The following DGKG variants were observed in gnomAD, a reference collection of about 807,000 sequenced individuals.
The protein encoded by DGKG is DAG kinase gamma.
A neutral mutation model predicts 105.3 loss-of-function variants in DGKG; 78 were observed. The observed-to-expected ratio is 0.74, with a 90% CI of 0.62 to 0.89. The LOEUF (loss-of-function observed/expected upper bound fraction) is 0.89, where lower values mean the gene tolerates loss of function less well. DGKG is among the 40% of genes least tolerant of loss of function. The probability of loss-of-function intolerance (pLI) is 0.00; values close to 1 mark genes in which losing one functional copy is unlikely to be tolerated. For synonymous variants in DGKG, 346 were observed against 367.1 expected (o/e 0.94, Z 0.66); for missense variants, 958 against 1,020.1 (o/e 0.94, Z 0.83).
At chr3:186,215,913 G>A (rs1719265302) in intron 20 of DGKG, among the ~76,000 whole-genome samples, 1 of 151,654 alleles carries the variant, frequency 6.6e-6, no homozygotes, top group Non-Finnish European at 1.5e-5. Flanking sequence ...AACATTTATG[G>A]ACCCCTACTA....
chr3:186,278,164 G>A (rs1722669750), intron 9 of DGKG, among the ~76,000 whole-genome samples: 1 of 152,044 alleles, frequency 6.6e-6, no homozygotes. Flanking sequence ...CATGCAAAGA[G>A]TTGGTGGTAT....
intron 20 of DGKG, among the ~76,000 whole-genome samples, chr3:186,228,215 T>C (rs1719946286): frequency 6.6e-6 from 1 of 152,170 alleles, no homozygotes; most frequent in African/African-American, 2.4e-5. Flanking sequence ...TTGGTTTCCA[T>C]AGTTTTTCCA....
In DGKG at chr3:186,312,669, G is replaced by A. The variant is rs564192241; in HGVS notation, c.68-5692C>T. Among the ~76,000 whole-genome samples, 259 of 152,362 alleles carry A rather than the reference G, an allele frequency of 1.7e-3. 3 individuals are homozygous for A. Among genetic ancestry groups the A allele is most frequent in the Non-Finnish European group, 2.8e-3 (191 of 68,028 alleles). The stretch of plus-strand genomic sequence containing the variant: ...TAAAATCTAGATTTTCCTTCTTCCA[G>A]TGAAGGCTGGGATGTAAGAATACAT... On this transcript the variant is annotated intron_variant, in intron 2 of 24. Coordinates refer to ENST00000265022, the MANE Select transcript of DGKG (RefSeq NM_001346.3).
intron 19 of DGKG, among the ~76,000 whole-genome samples, chr3:186,247,956 C>A (rs1445365166): frequency 6.6e-6 from 1 of 152,118 alleles, no homozygotes; most frequent in Non-Finnish European, 1.5e-5. Flanking sequence ...AGCCAGCCAG[C>A]AGGACTTCCT....
intron 14 of DGKG, among the ~76,000 whole-genome samples, chr3:186,262,846 T>TG (rs764226624): frequency 1.3e-5 from 2 of 151,980 alleles, no homozygotes; most frequent in Non-Finnish European, 2.9e-5. Context: ...AAAAAATTTT[T>TG]GGCTGGGCAT....
intron 3 of DGKG, among the ~76,000 whole-genome samples, chr3:186,299,815 TTC>T (rs1324419380): frequency 2.8e-5 from 3 of 107,172 alleles, no homozygotes; most frequent in Non-Finnish European, 3.9e-5. Flanking sequence ...CTTTCTTTCT[TTC>T]TTTCTTTCTT....
At chr3:186,247,791 G>GA (rs1172645789) in intron 19 of DGKG, among the ~76,000 whole-genome samples, 3 of 152,124 alleles carry the variant, frequency 2.0e-5, no homozygotes, top group African/African-American at 7.2e-5. Flanking sequence ...AAAGGTGTAT[G>GA]AAAAAAATTA....
At chr3:186,170,598 C>G (rs996564899) in intron 22 of DGKG, among the ~76,000 whole-genome samples, 1 of 152,192 alleles carries the variant, frequency 6.6e-6, no homozygotes, top group African/African-American at 2.4e-5. Flanking sequence ...TGATCTATTG[C>G]TATTTCAATG....
At chr3:186,330,447 C>A (rs1312908427) in intron 1 of DGKG, among the ~76,000 whole-genome samples, 4 of 152,168 alleles carry the variant, frequency 2.6e-5, no homozygotes, top group Admixed American at 2.6e-4. Flanking sequence ...CCGGGCTGCA[C>A]CTGTAACTTG....
chr3:186,336,521 A>G (rs1350954556), intron 1 of DGKG, among the ~76,000 whole-genome samples: 2 of 152,220 alleles, frequency 1.3e-5, no homozygotes, highest in African/African-American at 4.8e-5. Context: ...AAAATGAATG[A>G]AGCCTCCAAC....
chr3:186,355,264 C>CAACTACCCT (rs1726873244), intron 1 of DGKG, among the ~76,000 whole-genome samples: 1 of 137,820 alleles, frequency 7.3e-6, no homozygotes, highest in Non-Finnish European at 1.6e-5. Flanking sequence ...AACACCAACA[C>CAACTACCCT]CACTACCACC....
chr3:186,147,355 A>G lies in DGKG; in HGVS notation c.*2735T>C. The G allele has an allele frequency of 1.0e-6, 1 of 981,012 alleles. No homozygotes were observed. Among genetic ancestry groups the G allele is most frequent in the Non-Finnish European group, 1.2e-6 (1 of 825,498 alleles). The allele number at this position is 981,012 out of a possible 1,614,324, so 60.8% of individuals were successfully genotyped here. On this transcript the variant is annotated 3_prime_UTR_variant, in exon 25 of 25. Transcript: ENST00000265022. ...TGGCTTTGAGAAGTCACTAAACCTCATTAAGCCTTGTTCTCCTCATTGAGA... is the reference window on the plus strand; with the variant it reads ...TGGCTTTGAGAAGTCACTAAACCTCGTTAAGCCTTGTTCTCCTCATTGAGA...
chr3:186,221,639 G>C (rs2108529883), intron 20 of DGKG, among the ~76,000 whole-genome samples: 1 of 152,312 alleles, frequency 6.6e-6, no homozygotes, highest in East Asian at 1.9e-4. Context: ...TCAGCCCTGG[G>C]AACTGGTATC....
intron 5 of DGKG, among the ~76,000 whole-genome samples, chr3:186,292,656 T>C (rs1192676204): frequency 7.0e-6 from 1 of 142,988 alleles, no homozygotes; most frequent in Non-Finnish European, 1.6e-5. Context: ...TAGCTGGGCG[T>C]GGTGGCGGGT....
At chr3:186,342,131 C>A (rs1175857544) in intron 1 of DGKG, among the ~76,000 whole-genome samples, 3 of 152,040 alleles carry the variant, frequency 2.0e-5, no homozygotes, top group South Asian at 2.1e-4. Flanking sequence ...CTAACCTGCA[C>A]AATGTGCACA....
chr3:186,274,046 GTCT>G (rs1722460379), intron 10 of DGKG, among the ~76,000 whole-genome samples: 1 of 151,988 alleles, frequency 6.6e-6, no homozygotes, highest in Admixed American at 6.6e-5. Flanking sequence ...TCCCTTTCCA[GTCT>G]TCCTCTCTGC....
chr3:186,309,051 G>A (rs1159738517), intron 2 of DGKG, among the ~76,000 whole-genome samples: 2 of 152,206 alleles, frequency 1.3e-5, no homozygotes, highest in Non-Finnish European at 2.9e-5. Flanking sequence ...ATTCACTATA[G>A]CTTCCTAAAC....
intron 1 of DGKG, among the ~76,000 whole-genome samples, chr3:186,339,963 C>T (rs1193514162): frequency 1.3e-5 from 2 of 152,188 alleles, no homozygotes; most frequent in African/African-American, 4.8e-5. Context: ...TATCACCTTA[C>T]ACAGTAGGAT....
chr3:186,165,204 G>A (rs1350645763), intron 22 of DGKG, among the ~76,000 whole-genome samples, 186 bp from the exon 23 acceptor site: 1 of 152,138 alleles, frequency 6.6e-6, no homozygotes, highest in Non-Finnish European at 1.5e-5. Context: ...TTTTCATGAG[G>A]AGATGGTCAG....
Sources: gnomAD v4.1 joint callset for allele counts (sites outside exome capture counted in the v4.1 genomes callset) on GRCh38, gnomAD v4.1.1 for gene constraint, MANE v1.5 for transcripts, NCBI Gene and HGNC (gene_info 2026-07-23, HGNC 2026-07-21) for gene names.